Variants in SCHIP1 observed in about 807,000 individuals in gnomAD.
SCHIP1 encodes schwannomin-interacting protein 1.
SCHIP1 carries 8 observed loss-of-function variants against 29.7 expected under a neutral mutation model. That is an observed-to-expected ratio of 0.27 (90% confidence interval 0.16 to 0.49). The LOEUF (loss-of-function observed/expected upper bound fraction) is 0.49, where lower values mean the gene tolerates loss of function less well. Ranked by LOEUF, SCHIP1 falls within the 20% of genes least tolerant of loss-of-function variation. The pLI, the probability that SCHIP1 is intolerant of heterozygous loss-of-function variation, is 0.99. For missense variants in SCHIP1, 193 were observed against 294.6 expected (o/e 0.66, Z 2.52); for synonymous variants, 76 against 94.9 (o/e 0.80, Z 1.16).
intron 1 of SCHIP1, among the ~76,000 whole-genome samples, chr3:159,843,213 A>G (rs1392089904): frequency 6.6e-6 from 1 of 150,766 alleles, no homozygotes; most frequent in Non-Finnish European, 1.5e-5. Flanking sequence ...GGCTTTCACC[A>G]TGTTGGCCAA....
chr3:159,628,338 GT>G, the SCHIP1 span, among the ~76,000 whole-genome samples: 1 of 152,178 alleles, frequency 6.6e-6, no homozygotes, highest in African/African-American at 2.4e-5. Context: ...TGGGAAAATA[GT>G]TAACATCATC....
chr3:159,482,020 T>C, the SCHIP1 span, among the ~76,000 whole-genome samples: 14 of 152,124 alleles, frequency 9.2e-5, no homozygotes, highest in African/African-American at 3.4e-4. Flanking sequence ...TGAGCGTATG[T>C]GTATATGCAT....
chr3:159,772,845 A>G, the SCHIP1 span, among the ~76,000 whole-genome samples: 1 of 151,982 alleles, frequency 6.6e-6, no homozygotes, highest in East Asian at 1.9e-4. Context: ...GGTTCAAGTG[A>G]TTCTCCTGCC....
the SCHIP1 span, among the ~76,000 whole-genome samples, chr3:159,817,961 G>A: frequency 6.6e-6 from 1 of 152,148 alleles, no homozygotes; most frequent in Non-Finnish European, 1.5e-5. Context: ...AAATAAACAT[G>A]CAGTCCCCTT....
the SCHIP1 span, among the ~76,000 whole-genome samples, chr3:159,297,126 TTGTGTGTG>T: frequency 0.054 from 7,746 of 143,184 alleles, 637 homozygotes; most frequent in African/African-American, 0.18. Context: ...TAATATTCCA[TTGTGTGTG>T]TGTGTGTGTG....
the SCHIP1 span, among the ~76,000 whole-genome samples, chr3:159,690,266 T>C: frequency 6.6e-6 from 1 of 152,236 alleles, no homozygotes; most frequent in Non-Finnish European, 1.5e-5. Flanking sequence ...ACTGCCTCAA[T>C]TTCAGAACTT....
the SCHIP1 span, among the ~76,000 whole-genome samples, chr3:159,771,479 T>A: frequency 1.3e-5 from 2 of 151,928 alleles, no homozygotes; most frequent in East Asian, 3.9e-4. Flanking sequence ...AGTGTTAAAA[T>A]TTTTTTTTCT....
chr3:159,415,316 G>T, the SCHIP1 span, among the ~76,000 whole-genome samples: 1 of 152,042 alleles, frequency 6.6e-6, no homozygotes, highest in South Asian at 2.1e-4. Context: ...TTTTATTTTA[G>T]GTTTGGGGGT....
chr3:159,637,107 A>G, the SCHIP1 span, among the ~76,000 whole-genome samples: 1 of 152,216 alleles, frequency 6.6e-6, no homozygotes, highest in African/African-American at 2.4e-5. Context: ...ATTTGAAGTA[A>G]ATAGCAAATC....
the SCHIP1 span, among the ~76,000 whole-genome samples, chr3:159,284,820 T>G: frequency 6.6e-6 from 1 of 152,106 alleles, no homozygotes; most frequent in South Asian, 2.1e-4. Context: ...TTTTTGTTGT[T>G]CCATTTATTT....
At chr3:159,764,455 G>C in the SCHIP1 span, 132 of 1,593,560 alleles carry the variant, frequency 8.3e-5, no homozygotes, top group Non-Finnish European at 1.1e-4. The surrounding 1 kb of genome is among the most constrained non-coding windows in gnomAD (Gnocchi z 6.1). Flanking sequence ...TTACCGAGAG[G>C]ATGGGATGGA....
At chr3:159,329,755 AG>A in the SCHIP1 span, among the ~76,000 whole-genome samples, 1 of 152,246 alleles carries the variant, frequency 6.6e-6, no homozygotes. Context: ...AACTGTATGT[AG>A]TACACAAGAA....
At chr3:159,599,154 A>G in the SCHIP1 span, among the ~76,000 whole-genome samples, 5 of 152,174 alleles carry the variant, frequency 3.3e-5, no homozygotes, top group South Asian at 2.1e-4. Context: ...GCCATTCTAT[A>G]TCTTTTAAGT....
the SCHIP1 span, chr3:159,387,322 A>T: frequency 2.9e-6 from 1 of 342,954 alleles, no homozygotes; most frequent in Non-Finnish European, 5.7e-6. Context: ...AAAGTCAATT[A>T]TCTCAGCATT....
chr3:159,689,749 CTT>C, the SCHIP1 span, among the ~76,000 whole-genome samples: 9 of 152,188 alleles, frequency 5.9e-5, no homozygotes, highest in Non-Finnish European at 1.3e-4. Context: ...ATAAATAGCT[CTT>C]ATTATTTTGA....
At chr3:159,757,192 C>T in the SCHIP1 span, among the ~76,000 whole-genome samples, 1 of 152,154 alleles carries the variant, frequency 6.6e-6, no homozygotes, top group African/African-American at 2.4e-5. Context: ...CAAGACTGGG[C>T]AATTTACAAA....
At chr3:159,804,260 T>C in the SCHIP1 span, among the ~76,000 whole-genome samples, 34 of 152,252 alleles carry the variant, frequency 2.2e-4, no homozygotes, top group Non-Finnish European at 4.3e-4. Flanking sequence ...GTGAGGGAGA[T>C]TGGTAGCAGA....
chr3:159,321,684 A>G, the SCHIP1 span, among the ~76,000 whole-genome samples: 2 of 152,148 alleles, frequency 1.3e-5, no homozygotes, highest in African/African-American at 4.8e-5. Flanking sequence ...ATGACGAGTT[A>G]TTTATTTTTT....
At chr3:159,701,127 C>T in the SCHIP1 span, among the ~76,000 whole-genome samples, 4 of 152,140 alleles carry the variant, frequency 2.6e-5, no homozygotes, top group African/African-American at 9.7e-5. Context: ...AGAATATACA[C>T]CAGACTTTCG....
Sources: gnomAD v4.1 joint callset for allele counts (sites outside exome capture counted in the v4.1 genomes callset) on GRCh38, gnomAD v4.1.1 for gene constraint, Gnocchi (gnomAD v3.1) non-coding constraint, MANE v1.5 for transcripts, NCBI Gene and HGNC (gene_info 2026-07-23, HGNC 2026-07-21) for gene names.